DCLK2: variants seen among roughly 807,000 people sequenced by gnomAD.
The protein encoded by DCLK2 is doublecortin like kinase 2, also known as serine/threonine-protein kinase DCLK2.
In DCLK2, 31 loss-of-function variants were observed where a neutral mutation model predicts 78.4. That is an observed-to-expected ratio of 0.40 (90% confidence interval 0.30 to 0.53). The LOEUF (loss-of-function observed/expected upper bound fraction) is 0.53, where lower values mean the gene tolerates loss of function less well. Among genes scored for constraint, DCLK2 ranks in the 20% least tolerant of loss-of-function variants. The pLI is 0.61. For missense variants in DCLK2, 872 were observed against 973.7 expected, an observed-to-expected ratio of 0.90 and a Z score of 1.39; for synonymous variants, 407 against 374.9, an observed-to-expected ratio of 1.09 and a Z score of -0.99.
At chr4:150,178,950 T>C (rs1048691133) in intron 2 of DCLK2, among the ~76,000 whole-genome samples, 11 of 152,208 alleles carry the variant, frequency 7.2e-5, no homozygotes, top group African/African-American at 2.7e-4. Context: ...TGATACAAGA[T>C]ACATCTTGTC....
chr4:150,133,142 A>C (rs2150200656), intron 2 of DCLK2, among the ~76,000 whole-genome samples: 1 of 152,342 alleles, frequency 6.6e-6, no homozygotes, highest in South Asian at 2.1e-4. Context: ...GCACTTCAGC[A>C]TTATGCCCGG....
chr4:150,112,323 A>T (rs1293030439), intron 2 of DCLK2, among the ~76,000 whole-genome samples: 1 of 152,162 alleles, frequency 6.6e-6, no homozygotes, highest in Non-Finnish European at 1.5e-5. Context: ...CCTGAGACTT[A>T]ATTTATTTAC....
At chr4:150,156,520 A>AAATT (rs1735283099) in intron 2 of DCLK2, among the ~76,000 whole-genome samples, 1 of 151,378 alleles carries the variant, frequency 6.6e-6, no homozygotes, top group Non-Finnish European at 1.5e-5. Flanking sequence ...ATAAATAAAT[A>AAATT]AATAGCCGGG....
chr4:150,209,200 C>T (rs1466217849), intron 5 of DCLK2, among the ~76,000 whole-genome samples: 1 of 152,224 alleles, frequency 6.6e-6, no homozygotes, highest in Non-Finnish European at 1.5e-5. Context: ...AACCTAGCTC[C>T]TAGGTATTAG....
intron 14 of DCLK2, 61 bp from the exon 15 acceptor site, chr4:150,249,507 A>ACTT: frequency 6.8e-7 from 1 of 1,480,648 alleles, no homozygotes; most frequent in Non-Finnish European, 9.4e-7. Context: ...CTCTTAAGGA[A>ACTT]AAGACAACTC....
chr4:150,193,511 T>C (rs1469274093), intron 3 of DCLK2, among the ~76,000 whole-genome samples: 3 of 152,178 alleles, frequency 2.0e-5, no homozygotes, highest in Admixed American at 6.5e-5. Context: ...CCCTCTCTTA[T>C]TGCATTGTTT....
At position 150,256,367 on chromosome 4, in the gene DCLK2, G is replaced by C; in HGVS notation, c.*120G>C. The C allele has an allele frequency of 7.4e-7, 1 of 1,348,812 alleles. No homozygotes were observed. Among genetic ancestry groups the C allele is most frequent in the Non-Finnish European group, 9.8e-7 (1 of 1,024,748 alleles). 83.6% of individuals were successfully genotyped at this position (1,348,812 alleles called of 1,614,324 possible). A position where few individuals can be genotyped will look rare whatever the true frequency, so the allele number is the denominator to read the frequency against. On this transcript the variant is annotated 3_prime_UTR_variant, in exon 16 of 16. Transcript: ENST00000296550. ...TCACCGCCTGCGCCTGAGTTCGCGGGTCCTCCGCAGGCCGCCTGGGAACCG... is the reference window on the plus strand; with the variant it reads ...TCACCGCCTGCGCCTGAGTTCGCGGCTCCTCCGCAGGCCGCCTGGGAACCG...
intron 2 of DCLK2, among the ~76,000 whole-genome samples, chr4:150,186,923 TG>T (rs1737996507): frequency 6.6e-6 from 1 of 151,846 alleles, no homozygotes; most frequent in African/African-American, 2.4e-5. Context: ...TGTGTGTGTG[TG>T]TGTGTAGTCT....
chr4:150,114,304 G>A (rs1437834341), intron 2 of DCLK2, among the ~76,000 whole-genome samples: 1 of 152,116 alleles, frequency 6.6e-6, no homozygotes, highest in African/African-American at 2.4e-5. Context: ...CCTTGTTGAC[G>A]TTCTGCCTTG....
At chr4:150,113,024 T>G (rs1372569022) in intron 2 of DCLK2, among the ~76,000 whole-genome samples, 1 of 152,010 alleles carries the variant, frequency 6.6e-6, no homozygotes, top group Non-Finnish European at 1.5e-5. Flanking sequence ...TTGGCCAGAC[T>G]GGTCTCTAAT....
At chr4:150,115,585 G>C (rs1266698414) in intron 2 of DCLK2, among the ~76,000 whole-genome samples, 1 of 151,610 alleles carries the variant, frequency 6.6e-6, no homozygotes, top group Non-Finnish European at 1.5e-5. Context: ...AGCCTGACTT[G>C]GCTCTTGGTT....
At chr4:150,216,872 T>TA (rs1284188633) in intron 5 of DCLK2, among the ~76,000 whole-genome samples, 4 of 152,094 alleles carry the variant, frequency 2.6e-5, no homozygotes, top group African/African-American at 7.2e-5. Flanking sequence ...CACTGTTAAA[T>TA]ACAATGCTGT....
chr4:150,213,717 G>A (rs886208300), intron 5 of DCLK2, among the ~76,000 whole-genome samples: 2 of 152,114 alleles, frequency 1.3e-5, no homozygotes, highest in African/African-American at 4.8e-5. Flanking sequence ...TCATATGACT[G>A]AATTACAGGA....
intron 2 of DCLK2, among the ~76,000 whole-genome samples, chr4:150,136,979 C>CTTTTTTTTTTTTTTTTTTTTTT (rs35729685): frequency 1.8e-4 from 15 of 82,400 alleles, no homozygotes; most frequent in Non-Finnish European, 2.2e-4. Flanking sequence ...TCTTCTTCTT[C>CTTTTTTTTTTTTTTTTTTTTTT]TTTTTTTTTT....
intron 12 of DCLK2, among the ~76,000 whole-genome samples, chr4:150,243,716 C>G (rs1395758404): frequency 6.6e-6 from 1 of 151,706 alleles, no homozygotes; most frequent in Non-Finnish European, 1.5e-5. Context: ...CATGTGTTCT[C>G]TTTCTAGTCT....
intron 2 of DCLK2, among the ~76,000 whole-genome samples, chr4:150,179,128 C>T (rs1184177079): frequency 6.6e-6 from 1 of 152,038 alleles, no homozygotes; most frequent in South Asian, 2.1e-4. Context: ...CCCAGGTTCA[C>T]GCCATTCTCC....
chr4:150,190,077 A>G (rs2126347919), intron 2 of DCLK2, among the ~76,000 whole-genome samples: 1 of 141,720 alleles, frequency 7.1e-6, no homozygotes, highest in South Asian at 2.3e-4. Context: ...CTGTGGTCCC[A>G]GCTACTCAGG....
At chr4:150,137,452 G>A (rs746567639) in intron 2 of DCLK2, among the ~76,000 whole-genome samples, 1 of 152,190 alleles carries the variant, frequency 6.6e-6, no homozygotes, top group Non-Finnish European at 1.5e-5. Context: ...GACAAGGGTT[G>A]ATGAAATCCC....
intron 8 of DCLK2, among the ~76,000 whole-genome samples, chr4:150,230,855 C>CT (rs1741996194): frequency 6.6e-6 from 1 of 152,094 alleles, no homozygotes; most frequent in Admixed American, 6.5e-5. Context: ...TTACTGGGGT[C>CT]TAAGAAACAC....
Sources: allele counts gnomAD v4.1 joint callset (sites outside exome capture counted in the v4.1 genomes callset), GRCh38; gene constraint gnomAD v4.1.1; transcripts MANE v1.5; gene names NCBI Gene and HGNC (gene_info 2026-07-23, HGNC 2026-07-21).